The following DPYSL2 variants were observed in gnomAD, a reference collection of about 807,000 sequenced individuals.
DPYSL2 encodes dihydropyrimidinase like 2, also known as dihydropyrimidinase-related protein 2.
A neutral mutation model predicts 69.9 loss-of-function variants in DPYSL2; 13 were observed. That is an observed-to-expected ratio of 0.19 (90% CI 0.12 to 0.30). The LOEUF (loss-of-function observed/expected upper bound fraction) is 0.30. DPYSL2 is among the 10% of genes least tolerant of loss of function. The pLI is 1.00. For synonymous variants in DPYSL2, 326 were observed against 359.1 expected (o/e 0.91, Z 1.04); for missense variants, 587 against 918.9 (o/e 0.64, Z 4.67).
rs1803257125 is a variant in DPYSL2, at chr8:26,650,395, C to G, written c.1597-1862C>G. ...CTGTGGAGTGATGTGGAAGAGATGGCTCTTGATCCAGGCCTTAAAGGATGA... is the reference window on the plus strand; with the variant it reads ...CTGTGGAGTGATGTGGAAGAGATGGGTCTTGATCCAGGCCTTAAAGGATGA... On this transcript the variant is annotated intron_variant, in intron 11 of 13. Coordinates refer to ENST00000521913, the MANE Select transcript of DPYSL2 (RefSeq NM_001197293.3). This position sits in a 1 kb window ranked among gnomAD's most constrained non-coding sequence, Gnocchi z 5.3. Among the ~76,000 whole-genome samples the G allele has an allele frequency of 6.6e-6, 1 of 152,180 alleles. No individual in the cohort carries two copies. The highest frequency in any genetic ancestry group is 2.4e-5 in the African/African-American group (1 of 41,452).
rs1236584968 is a variant in DPYSL2 at position 26,648,215 on chromosome 8, G to T, written c.1596+415G>T. On this transcript the variant is annotated intron_variant, in intron 11 of 13. Transcript: ENST00000521913. The surrounding 1 kb of genome is among the most constrained non-coding windows in gnomAD (Gnocchi z 4.3). ...CCACTGGGGACTTTGATCCTCTTAA[G>T]CCATTGTTTTCTCAGGCCAGTATCC... Among the ~76,000 whole-genome samples the T allele has an allele frequency of 6.6e-6, 1 of 152,128 alleles. No individual in the cohort carries two copies. Among genetic ancestry groups the T allele is most frequent in the Non-Finnish European group, 1.5e-5 (1 of 68,034 alleles).
intron 3 of DPYSL2, among the ~76,000 whole-genome samples, chr8:26,616,478 C>T (rs756466069): frequency 3.9e-5 from 6 of 152,062 alleles, no homozygotes; most frequent in East Asian, 1.9e-4. Flanking sequence ...TAATTCAAGT[C>T]GATTCATTTA....
chr8:26,518,617 C>T (rs1198545478), intron 1 of DPYSL2, among the ~76,000 whole-genome samples: 1 of 152,146 alleles, frequency 6.6e-6, no homozygotes, highest in Non-Finnish European at 1.5e-5. Context: ...CCACCTCTTC[C>T]CAGCCCCTGG....
chr8:26,554,578 T>C (rs1399108698), intron 1 of DPYSL2, among the ~76,000 whole-genome samples: 1 of 152,210 alleles, frequency 6.6e-6, no homozygotes, highest in Non-Finnish European at 1.5e-5. Flanking sequence ...ATCTTCGTCA[T>C]GAAATCTTTG....
rs1808280997 is a variant in DPYSL2 at position 26,516,005 on chromosome 8, G to A, written c.354+1326G>A. Among the ~76,000 whole-genome samples the A allele has an allele frequency of 1.3e-5, 2 of 152,182 alleles. No homozygotes were observed. Among genetic ancestry groups the A allele is most frequent in the African/African-American group, 4.8e-5 (2 of 41,444 alleles). ...TTCAGAATTGGTGATGATGGTTGGG[G>A]CATGATTTGACTGTTTGCTGATGTG... On this transcript the variant is annotated intron_variant, in intron 1 of 13. Transcript: ENST00000521913. The surrounding 1 kb of genome is among the most constrained non-coding windows in gnomAD (Gnocchi z 4.8).
rs528157092 is a variant in DPYSL2 at position 26,626,603 on chromosome 8, T to G, written c.794-14T>G. 25 of 1,613,740 alleles carry G rather than the reference T, an allele frequency of 1.5e-5. No individual in the cohort carries two copies. The Admixed American group carries it at 3.7e-4, about 24-fold the overall frequency. The stretch of plus-strand genomic sequence containing the variant: ...ATCTATTAAAAGTCCACTTCTCTAT[T>G]TTGTCCGCACTAGGGGTAAATTCCT... On this transcript the variant is annotated splice_polypyrimidine_tract_variant and intron_variant, in intron 4 of 13. Transcript: ENST00000521913. The surrounding 1 kb of genome is among the most constrained non-coding windows in gnomAD (Gnocchi z 4.3).
Position 26,560,137 on chromosome 8 carries a change from G to A in DPYSL2, c.355-21832G>A, listed in dbSNP as rs1231564674. 6.6e-6 allele frequency among the ~76,000 whole-genome samples: 1 copy of A among 152,224 alleles called. No individual in the cohort carries two copies. The highest frequency in any genetic ancestry group is 1.5e-5 in the Non-Finnish European group (1 of 68,036). Reference sequence around the variant, plus strand: ...GAGTTGGTTTAGCAGAAGACAGGGTGTAATAATTAATCAGGAGCAGACGCG... The same window carrying A: ...GAGTTGGTTTAGCAGAAGACAGGGTATAATAATTAATCAGGAGCAGACGCG... On this transcript the variant is annotated intron_variant, in intron 1 of 13. Transcript: ENST00000521913. The surrounding 1 kb of genome is among the most constrained non-coding windows in gnomAD (Gnocchi z 4.4).
In DPYSL2 at chr8:26,577,782, C is replaced by G. The variant is rs1585519456; in HGVS notation, c.355-4187C>G. 4 of 990,156 alleles carry G rather than the reference C, an allele frequency of 4.0e-6. No individual in the cohort carries two copies. The South Asian group carries it at 1.3e-4, about 33-fold the overall frequency. 61.3% of individuals were successfully genotyped at this position (990,156 alleles called of 1,614,324 possible). ...CCCCCGGCCGTTCACTGCCGCATTT[C>G]GCGCTCTCGCGCCGCGCCCCGCCCC... On this transcript the variant is annotated intron_variant, in intron 1 of 13. Transcript: ENST00000521913.
At chr8:26,559,969 A>G (rs2129658507) in intron 1 of DPYSL2, among the ~76,000 whole-genome samples, 1 of 152,300 alleles carries the variant, frequency 6.6e-6, no homozygotes, top group Admixed American at 6.5e-5. Flanking sequence ...ACACCTGGAG[A>G]CCACGTTCCC....
chr8:26,578,337 T>G (rs201784595), intron 1 of DPYSL2: 1 of 1,613,618 alleles, frequency 6.2e-7, no homozygotes, highest in African/African-American at 1.3e-5. Flanking sequence ...CAGCCACCTT[T>G]TGTAGCACAG....
At chr8:26,607,028 C>T (rs535245985) in intron 3 of DPYSL2, among the ~76,000 whole-genome samples, 10 of 152,206 alleles carry the variant, frequency 6.6e-5, no homozygotes, top group African/African-American at 2.4e-4. Context: ...AAAATTCATA[C>T]GCCTTGACCT....
At chr8:26,522,023 T>C (rs12550592) in intron 1 of DPYSL2, among the ~76,000 whole-genome samples, 127,784 of 152,224 alleles carry the variant, frequency 0.84, 54,957 homozygotes, top group East Asian at 0.99. Context: ...CATATGTTTT[T>C]AAGGCTGGGC....
rs766794169 is a variant in DPYSL2 at position 26,580,778 on chromosome 8, G to A, written c.355-1191G>A. On this transcript the variant is annotated intron_variant, in intron 1 of 13. Coordinates refer to ENST00000521913, the MANE Select transcript of DPYSL2 (RefSeq NM_001197293.3). The surrounding 1 kb of genome is among the most constrained non-coding windows in gnomAD (Gnocchi z 4.1). ...AGAATGTCATTCTTTGAAATGTGTT[G>A]CATATTAAAAGGGCAATGTATGGTT... Among the ~76,000 whole-genome samples the A allele has an allele frequency of 3.3e-5, 5 of 152,262 alleles. No individual in the cohort carries two copies. In the South Asian group the frequency reaches 1.0e-3, roughly 32 times the overall value.
At chr8:26,578,368 A>C in intron 1 of DPYSL2, 1 of 1,597,054 alleles carries the variant, frequency 6.3e-7, no homozygotes, top group East Asian at 2.2e-5. Flanking sequence ...GAATTTTTAA[A>C]AAGGAGGGGA....
At chr8:26,645,412 A>G (rs1319437920) in intron 10 of DPYSL2, among the ~76,000 whole-genome samples, 1 of 152,060 alleles carries the variant, frequency 6.6e-6, no homozygotes, top group Non-Finnish European at 1.5e-5. Context: ...AAAAATAATA[A>G]TAATAATAAT....
chr8:26,548,040 T>C (rs1050165759), intron 1 of DPYSL2: 12 of 256,596 alleles, frequency 4.7e-5, no homozygotes, highest in Non-Finnish European at 8.0e-5. Flanking sequence ...CAAAGAGAAA[T>C]GCATTCTGGT....
At chr8:26,556,285 A>ACTATATATAGTATATATATACT (rs1261734787) in intron 1 of DPYSL2, among the ~76,000 whole-genome samples, 1 of 3,100 alleles carries the variant, frequency 3.2e-4, no homozygotes, top group Non-Finnish European at 1.0e-3. Flanking sequence ...GTATTTATAT[A>ACTATATATAGTATATATATACT]ATATATATAG....
chr8:26,514,903 G>T lies in DPYSL2; in HGVS notation c.354+224G>T, dbSNP rs1259430838. Among the ~76,000 whole-genome samples the T allele has an allele frequency of 1.3e-5, 2 of 152,214 alleles. No homozygotes were observed. The highest frequency in any genetic ancestry group is 4.8e-5 in the African/African-American group (2 of 41,464). ...CCACAAAGGCTGCCCGCGTCTCCTTGAGCTTGAGAGGTGGGGCGTGGGCAT... is the reference window on the plus strand; with the variant it reads ...CCACAAAGGCTGCCCGCGTCTCCTTTAGCTTGAGAGGTGGGGCGTGGGCAT... On this transcript the variant is annotated intron_variant, in intron 1 of 13. Transcript: ENST00000521913. The surrounding 1 kb of genome is among the most constrained non-coding windows in gnomAD (Gnocchi z 8.4).
At chr8:26,540,159 A>G (rs1342974851) in intron 1 of DPYSL2, among the ~76,000 whole-genome samples, 2 of 152,216 alleles carry the variant, frequency 1.3e-5, no homozygotes, top group Non-Finnish European at 2.9e-5. Flanking sequence ...GGGAAGTTCA[A>G]CAAAGAGATA....
Sources: gnomAD v4.1 joint callset for allele counts (sites outside exome capture counted in the v4.1 genomes callset) on GRCh38, gnomAD v4.1.1 for gene constraint, Gnocchi (gnomAD v3.1) non-coding constraint, MANE v1.5 for transcripts, NCBI Gene and HGNC (gene_info 2026-07-23, HGNC 2026-07-21) for gene names.